The following LILRB3 variants were observed in gnomAD, a reference collection of about 807,000 sequenced individuals.
LILRB3 encodes leukocyte immunoglobulin like receptor B3, also known as leukocyte immunoglobulin-like receptor subfamily B member 3.
A neutral mutation model predicts 68.2 loss-of-function variants in LILRB3; 32 were observed. That is an observed-to-expected ratio of 0.47 (90% CI 0.35 to 0.63). The LOEUF (loss-of-function observed/expected upper bound fraction) is 0.63. LILRB3 is among the 30% of genes least tolerant of loss of function. The pLI is 0.00. For missense variants in LILRB3, 502 were observed against 791.3 expected (o/e 0.63, Z 4.39); for synonymous variants, 185 against 323.1 (o/e 0.57, Z 4.58).
At position 54,219,559 on chromosome 19, in the gene LILRB3, C is replaced by T. The variant is rs973674846; in HGVS notation, c.1310-314G>A. 2.4e-5 allele frequency: 37 copies of T among 1,549,718 alleles called. No individual in the cohort carries two copies. The East Asian group carries it at 2.9e-4, about 12-fold the overall frequency. On this transcript the variant is annotated intron_variant, in intron 7 of 12. Coordinates refer to ENST00000445347, the Ensembl canonical transcript of LILRB3. ...GAAAGAGCCTGACCGTCCTGAACCA[C>T]GGCCCTGCTCCCCTCCCCTGCCCCA...
exon 12 of LILRB3, chr19:54,217,334 C>T (rs1132612): frequency 0.013 from 19,339 of 1,452,378 alleles, 2,742 homozygotes; most frequent in African/African-American, 0.047. Context: ...TGTCCATCTG[C>T]CTGTCCTCTT....
chr19:54,217,375 C>T, exon 12 of LILRB3: 1 of 1,592,716 alleles, frequency 6.3e-7, no homozygotes, highest in Non-Finnish European at 8.6e-7. Flanking sequence ...TCCAGGAATT[C>T]CCCAGACAGT....
In LILRB3 at chr19:54,217,552, G is replaced by A. The variant is rs866425212; in HGVS notation, c.1594-78C>T. 3,354 of 1,499,690 alleles carry A rather than the reference G, an allele frequency of 2.2e-3. 22 individuals are homozygous for A. In the African/African-American group the frequency reaches 0.026, roughly 12 times the overall value. 92.9% of individuals were successfully genotyped at this position (1,499,690 alleles called of 1,614,324 possible). On this transcript the variant is annotated intron_variant, in intron 11 of 12. Transcript: ENST00000445347. ...GGAGTCAATTTTCCTCACTGTTCCCGGGGTGATCCGATTACATCCCTTTCC... is the reference window on the plus strand; with the variant it reads ...GGAGTCAATTTTCCTCACTGTTCCCAGGGTGATCCGATTACATCCCTTTCC...
At chr19:54,216,638 A>C (rs1228231730) in exon 13 of LILRB3, 1 of 1,016,236 alleles carries the variant, frequency 9.8e-7, no homozygotes, top group East Asian at 9.0e-5. Flanking sequence ...TTCCCATGTC[A>C]TAAGTTCGAT....
At chr19:54,218,164 G>A (rs1250719371) in intron 11 of LILRB3, among the ~76,000 whole-genome samples, 197 bp downstream of exon 11, 1 of 151,924 alleles carries the variant, frequency 6.6e-6, no homozygotes, top group African/African-American at 2.4e-5. Context: ...GAGCAGGAAG[G>A]GGACCCGGGA....
chr19:54,216,502 G>A, exon 13 of LILRB3: 1 of 397,388 alleles, frequency 2.5e-6, no homozygotes, highest in Non-Finnish European at 3.4e-6. Context: ...AGTAGAGACG[G>A]GGTTTCACCG....
At chr19:54,221,852 C>T in exon 4 of LILRB3, 1 of 1,558,472 alleles carries the variant, frequency 6.4e-7, no homozygotes, top group Non-Finnish European at 8.8e-7. Context: ...TCCAGGGGGT[C>T]ACTGGGGTGG....
rs771240177 is a variant in LILRB3 at position 54,222,996 on chromosome 19, C to T, written c.-20G>A. 9 of 1,612,362 alleles carry T rather than the reference C, an allele frequency of 5.6e-6. No individual in the cohort carries two copies. The Admixed American group carries it at 6.7e-5, about 12-fold the overall frequency. On this transcript the variant is annotated 5_prime_UTR_variant, in exon 1 of 13. Coordinates refer to ENST00000445347, the Ensembl canonical transcript of LILRB3. ...CGTCATGGCGTCTCCTCCCGGTGAC[C>T]CCGCGCTCTGCAGAGGGATGAGCCC...
In LILRB3 at chr19:54,218,788, GCT is replaced by G; in HGVS notation, c.1475_1476del (p.Glu492AlafsTer15). 6.2e-7 allele frequency: 1 copy of G among 1,614,100 alleles called. No homozygotes were observed. The highest frequency in any genetic ancestry group is 8.5e-7 in the Non-Finnish European group (1 of 1,180,016). ...CTCCTCAGCAGGCCCCTGTCCTTGG[GCT>G]CTGTCTCCGCAGCCCCTGCAGGACG... On this transcript the variant is annotated frameshift_variant, in exon 9 of 13. Transcript: ENST00000445347. LOFTEE classifies it high-confidence loss of function.
At chr19:54,221,023 C>G in intron 5 of LILRB3, 60 bp downstream of exon 5, 1 of 1,328,734 alleles carries the variant, frequency 7.5e-7, no homozygotes, top group Non-Finnish European at 9.9e-7. Flanking sequence ...ACCACCTGGG[C>G]TCCCCCGGCA....
intron 7 of LILRB3, chr19:54,219,942 A>T: frequency 7.4e-7 from 1 of 1,346,932 alleles, no homozygotes; most frequent in Non-Finnish European, 1.0e-6. Context: ...AGGGAGGTGA[A>T]GGCTGGGGCT....
At position 54,219,596 on chromosome 19, in the gene LILRB3, C is replaced by T. The variant is rs1039320482; in HGVS notation, c.1310-351G>A. ...CCTCCCCTGCCCCAGGTCACCGTCACTGCTGCAGGTGGGACGGGACAGGCC... is the reference window on the plus strand; with the variant it reads ...CCTCCCCTGCCCCAGGTCACCGTCATTGCTGCAGGTGGGACGGGACAGGCC... On this transcript the variant is annotated intron_variant, in intron 7 of 12. Transcript: ENST00000445347. The T allele has an allele frequency of 5.2e-6, 8 of 1,544,526 alleles. No individual in the cohort carries two copies. The East Asian group carries it at 1.5e-4, about 28-fold the overall frequency.
exon 13 of LILRB3, chr19:54,217,068 G>C (rs368532018): frequency 2.5e-5 from 41 of 1,614,058 alleles, no homozygotes; most frequent in Non-Finnish European, 3.4e-5. Flanking sequence ...CTTCTGCTGA[G>C]TGTGGGGTCT....
chr19:54,221,556 C>T (rs2078178933), intron 4 of LILRB3, 177 bp from the exon 5 acceptor site: 4 of 1,458,506 alleles, frequency 2.7e-6, no homozygotes, highest in Admixed American at 2.8e-5. Context: ...CTCCCTAGCC[C>T]TGGCCACTGT....
exon 8 of LILRB3, chr19:54,219,158 CGGA>C (rs201888124): frequency 5.3e-5 from 82 of 1,545,834 alleles, no homozygotes; most frequent in African/African-American, 2.6e-4. Context: ...GTGACGCTGA[CGGA>C]GGAGGAGGAG....
chr19:54,216,922 A>G (rs1393284821), exon 13 of LILRB3: 4 of 1,453,200 alleles, frequency 2.8e-6, no homozygotes, highest in Non-Finnish European at 2.7e-6. Context: ...ATGGGACGAT[A>G]TTAGTCATCT....
chr19:54,220,252 A>G (rs2078006452), intron 6 of LILRB3, 47 bp from the exon 7 acceptor site: 2 of 1,297,680 alleles, frequency 1.5e-6, no homozygotes, highest in South Asian at 1.5e-5. Context: ...CCGTCCATGG[A>G]GTGCACCCTT....
chr19:54,219,187 G>C (rs761048888), exon 8 of LILRB3: 3 of 1,606,962 alleles, frequency 1.9e-6, no homozygotes, highest in Non-Finnish European at 2.5e-6. Flanking sequence ...GGAGGAGGAA[G>C]AGCAGCAGGA....
chr19:54,222,828 G>T lies in LILRB3; in HGVS notation c.35-46C>A, dbSNP rs1313304682. The T allele has an allele frequency of 1.6e-5, 25 of 1,612,628 alleles. No individual in the cohort carries two copies. In the East Asian group the frequency reaches 5.6e-4, roughly 36 times the overall value. On this transcript the variant is annotated intron_variant, in intron 1 of 12. Coordinates refer to ENST00000445347, the Ensembl canonical transcript of LILRB3. ...AGGCATTTGCCCTGAAGCCTGAGCAGGTCCCCGCCCGGGTGCCTCCTGAGC... is the reference window on the plus strand; with the variant it reads ...AGGCATTTGCCCTGAAGCCTGAGCATGTCCCCGCCCGGGTGCCTCCTGAGC...
Sources: allele counts gnomAD v4.1 joint callset (sites outside exome capture counted in the v4.1 genomes callset), GRCh38; gene constraint gnomAD v4.1.1; transcripts MANE v1.5; gene names NCBI Gene and HGNC (gene_info 2026-07-23, HGNC 2026-07-21).